The following MRPS27 variants were observed in gnomAD, a reference collection of about 807,000 sequenced individuals.
The protein encoded by MRPS27 is mitochondrial ribosomal protein S27.
A neutral mutation model predicts 48.9 loss-of-function variants in MRPS27; 43 were observed. The ratio of observed to expected loss-of-function variants is 0.88; its 90% CI spans 0.69 to 1.13. The LOEUF is 1.13. Among genes scored for constraint, MRPS27 ranks in the 50% most tolerant of loss-of-function variants. MRPS27 has a pLI of 0.00. For missense variants in MRPS27, 467 were observed against 476.3 expected (o/e 0.98, Z 0.18); for synonymous variants, 188 against 171.9 (o/e 1.09, Z -0.73).
intron 4 of MRPS27, among the ~76,000 whole-genome samples, chr5:72,260,564 C>T (rs1324710738): frequency 6.6e-6 from 1 of 152,182 alleles, no homozygotes; most frequent in Non-Finnish European, 1.5e-5. Context: ...ACAATGTGAT[C>T]GGAAAAGGAA....
At chr5:72,300,948 C>T (rs1222947032) in intron 2 of MRPS27, among the ~76,000 whole-genome samples, 1 of 152,114 alleles carries the variant, frequency 6.6e-6, no homozygotes, top group Non-Finnish European at 1.5e-5. Context: ...AGAACAGTTC[C>T]ATAAAAGGCA....
intron 2 of MRPS27, among the ~76,000 whole-genome samples, chr5:72,298,724 C>A (rs1988045): frequency 0.74 from 89,048 of 120,760 alleles, 32,206 homozygotes; most frequent in African/African-American, 0.82. Context: ...AAAAAAAAAA[C>A]AAAAAAAAAA....
intron 4 of MRPS27, among the ~76,000 whole-genome samples, chr5:72,286,003 C>G (rs973624646): frequency 6.6e-6 from 1 of 152,162 alleles, no homozygotes; most frequent in African/African-American, 2.4e-5. Flanking sequence ...CATCTCAAAT[C>G]CTGTTAGGGC....
chr5:72,286,149 T>C (rs763276204), intron 4 of MRPS27, among the ~76,000 whole-genome samples: 15 of 152,206 alleles, frequency 9.9e-5, no homozygotes, highest in Non-Finnish European at 1.2e-4. Flanking sequence ...ATTGATATTG[T>C]TCCTAATGTC....
At chr5:72,319,078 T>C (rs1449571238) in intron 1 of MRPS27, among the ~76,000 whole-genome samples, 1 of 152,050 alleles carries the variant, frequency 6.6e-6, no homozygotes, top group Non-Finnish European at 1.5e-5. Flanking sequence ...AAATAGAGGA[T>C]GGGAGGTAGG....
In MRPS27 at chr5:72,266,791, C is replaced by T. The variant is rs191950912; in HGVS notation, c.282-28663G>A. ...AGAAGAATGGCCTGAACCCGGGAGGCGGAGCTTGCAGTGAGCAGAGATCGC... is the reference window on the plus strand; with the variant it reads ...AGAAGAATGGCCTGAACCCGGGAGGTGGAGCTTGCAGTGAGCAGAGATCGC... On this transcript the variant is annotated intron_variant, in intron 4 of 10. Transcript: ENST00000261413. Among the ~76,000 whole-genome samples the T allele has an allele frequency of 3.8e-3, 578 of 152,012 alleles. 1 individual carries two copies. The highest frequency in any genetic ancestry group is 0.013 in the African/African-American group (553 of 41,462).
intron 4 of MRPS27, 45 bp downstream of exon 4, chr5:72,295,486 G>GT (rs1427793870): frequency 1.4e-6 from 2 of 1,389,330 alleles, no homozygotes; most frequent in Admixed American, 1.8e-5. Flanking sequence ...TAAAAAAGGG[G>GT]TGTGAAATCA....
rs893198871 is a variant in MRPS27 at position 72,307,135 on chromosome 5, C to T, written c.151+6946G>A. ...TGGGGAGGCCGAGGTGGGCGGATCA[C>T]GAGGTCACGAGTTCGAGACCAGCAT... On this transcript the variant is annotated intron_variant, in intron 2 of 10. Coordinates refer to ENST00000261413, the MANE Select transcript of MRPS27 (RefSeq NM_015084.3). 4.6e-5 allele frequency among the ~76,000 whole-genome samples: 7 copies of T among 152,192 alleles called. No individual in the cohort carries two copies. In the East Asian group the frequency reaches 1.2e-3, roughly 25 times the overall value.
At chr5:72,243,507 T>C (rs991451480) in intron 4 of MRPS27, among the ~76,000 whole-genome samples, 1 of 152,182 alleles carries the variant, frequency 6.6e-6, no homozygotes, top group Non-Finnish European at 1.5e-5. Flanking sequence ...CAGGGTTTAA[T>C]ACAGAAATCG....
chr5:72,313,267 C>G lies in MRPS27; in HGVS notation c.151+814G>C, dbSNP rs1207809965. Among the ~76,000 whole-genome samples, 5 of 152,268 alleles carry G rather than the reference C, an allele frequency of 3.3e-5. No homozygotes were observed. The East Asian group carries it at 7.7e-4, about 23-fold the overall frequency. Reference sequence around the variant, plus strand: ...TGTCTCCTGCACTTATGGGAAAAATCCATAAACACAGGGGACTTTATTCTT... The same window carrying G: ...TGTCTCCTGCACTTATGGGAAAAATGCATAAACACAGGGGACTTTATTCTT... On this transcript the variant is annotated intron_variant, in intron 2 of 10. Coordinates refer to ENST00000261413, the MANE Select transcript of MRPS27 (RefSeq NM_015084.3).
In MRPS27 at chr5:72,220,947, C is replaced by A. The variant is rs1747722912; in HGVS notation, c.1207G>T (p.Glu403Ter). The A allele has an allele frequency of 6.2e-7, 1 of 1,614,056 alleles. No individual in the cohort carries two copies. Among genetic ancestry groups the A allele is most frequent in the Non-Finnish European group, 8.5e-7 (1 of 1,180,018 alleles). Residue 403 changes from glutamate to a stop codon, truncating the protein, a stop_gained, in exon 11 of 11, where the codon GAG becomes TAG. Coordinates refer to ENST00000261413, the MANE Select transcript of MRPS27 (RefSeq NM_015084.3). LOFTEE classifies it high-confidence loss of function. The part of the protein sequence containing the change: ...EQQQREQAKQ[E>*]YQAQKAAKAS... Reference sequence around the variant, plus strand: ...TTTGCTGCTTTCTGAGCCTGGTACTCCTGCTTCGCTTGCTCCCTCTGTTGC... The same window carrying A: ...TTTGCTGCTTTCTGAGCCTGGTACTACTGCTTCGCTTGCTCCCTCTGTTGC...
chr5:72,223,004 C>A (rs1419391720), intron 10 of MRPS27, among the ~76,000 whole-genome samples: 2 of 152,218 alleles, frequency 1.3e-5, no homozygotes, highest in East Asian at 3.8e-4. Context: ...CCCATTCTGA[C>A]AGCATTTTTT....
At chr5:72,244,439 A>G (rs986736754) in intron 4 of MRPS27, among the ~76,000 whole-genome samples, 1 of 152,206 alleles carries the variant, frequency 6.6e-6, no homozygotes, top group Non-Finnish European at 1.5e-5. Context: ...CTACTCCAGG[A>G]GAGTTATTCT....
chr5:72,244,874 T>A (rs889422541), intron 4 of MRPS27, among the ~76,000 whole-genome samples: 10 of 131,978 alleles, frequency 7.6e-5, no homozygotes, highest in Admixed American at 7.1e-4. Flanking sequence ...TCTGCTGCTC[T>A]CTCTCTCTCT....
At chr5:72,309,969 T>A (rs1198950953) in intron 2 of MRPS27, among the ~76,000 whole-genome samples, 1 of 152,172 alleles carries the variant, frequency 6.6e-6, no homozygotes, top group East Asian at 1.9e-4. Context: ...TCAGATGACC[T>A]GCAATGCTGA....
rs539087127 is a variant in MRPS27, at chr5:72,243,293, T to C, written c.282-5165A>G. ...AAAGACCAAGAGTGTCATGTGACTA[T>C]TTAAATCAGAATCTGATTCAATCAC... On this transcript the variant is annotated intron_variant, in intron 4 of 10. Coordinates refer to ENST00000261413, the MANE Select transcript of MRPS27 (RefSeq NM_015084.3). Among the ~76,000 whole-genome samples the C allele has an allele frequency of 5.3e-5, 8 of 152,348 alleles. No individual in the cohort carries two copies. The South Asian group carries it at 1.7e-3, about 32-fold the overall frequency.
intron 4 of MRPS27, among the ~76,000 whole-genome samples, chr5:72,289,938 C>T (rs1749776463): frequency 6.6e-6 from 1 of 152,102 alleles, no homozygotes; most frequent in Non-Finnish European, 1.5e-5. Context: ...ATGCAATTTG[C>T]AAATATCCTC....
intron 4 of MRPS27, among the ~76,000 whole-genome samples, chr5:72,245,772 T>C (rs1319928901): frequency 6.6e-6 from 1 of 152,220 alleles, no homozygotes; most frequent in Non-Finnish European, 1.5e-5. Context: ...AGCAGATTTA[T>C]ATGTGTTTGT....
intron 4 of MRPS27, among the ~76,000 whole-genome samples, chr5:72,277,667 T>C (rs533478604): frequency 1.3e-5 from 2 of 152,140 alleles, no homozygotes; most frequent in South Asian, 2.1e-4. Flanking sequence ...CCATTCACAA[T>C]AGCAAAAGAC....
Sources: gnomAD v4.1 joint callset for allele counts (sites outside exome capture counted in the v4.1 genomes callset) on GRCh38, gnomAD v4.1.1 for gene constraint, MANE v1.5 for transcripts, NCBI Gene and HGNC (gene_info 2026-07-23, HGNC 2026-07-21) for gene names.